JARID2: variants seen among roughly 807,000 people sequenced by gnomAD.
JARID2 encodes the protein protein Jumonji.
A neutral mutation model predicts 125.6 loss-of-function variants in JARID2; 21 were observed. That is an observed-to-expected ratio of 0.17 (90% CI 0.12 to 0.24). The LOEUF is 0.24. JARID2 is among the 10% of genes least tolerant of loss of function. JARID2 has a pLI of 1.00. For synonymous variants in JARID2, 736 were observed against 661.6 expected, an observed-to-expected ratio of 1.11 and a Z score of -1.73; for missense variants, 1,303 against 1,639.6, an observed-to-expected ratio of 0.79 and a Z score of 3.55.
chr6:15,309,124 A>G (rs1365199183), intron 1 of JARID2, among the ~76,000 whole-genome samples: 1 of 152,216 alleles, frequency 6.6e-6, no homozygotes, highest in African/African-American at 2.4e-5. Flanking sequence ...TTTAGCTGAC[A>G]GAGTACCTCT....
chr6:15,282,828 C>T (rs527336279), intron 1 of JARID2, among the ~76,000 whole-genome samples: 93 of 152,018 alleles, frequency 6.1e-4, no homozygotes, highest in East Asian at 3.3e-3. Context: ...TTTGAACTCC[C>T]GACCTCAAGT....
At chr6:15,296,889 G>T (rs1761435448) in intron 1 of JARID2, among the ~76,000 whole-genome samples, 1 of 152,148 alleles carries the variant, frequency 6.6e-6, no homozygotes, top group South Asian at 2.1e-4. Context: ...TTCCATTTTG[G>T]TTTCCACTGC....
intron 1 of JARID2, among the ~76,000 whole-genome samples, chr6:15,255,738 G>A (rs1015325054): frequency 3.3e-5 from 5 of 152,204 alleles, no homozygotes; most frequent in African/African-American, 1.2e-4. Context: ...GGCTGAGCAT[G>A]TGTTTCTTGC....
At chr6:15,484,909 A>G (rs1769793826) in intron 5 of JARID2, among the ~76,000 whole-genome samples, 1 of 152,204 alleles carries the variant, frequency 6.6e-6, no homozygotes, top group Admixed American at 6.5e-5. Flanking sequence ...ACTGCTTTAG[A>G]AAATTGGTGA....
At chr6:15,321,783 GTTTTTTTTTTTTTTTTTT>G (rs71687714) in intron 1 of JARID2, among the ~76,000 whole-genome samples, 1 of 68,474 alleles carries the variant, frequency 1.5e-5, no homozygotes, top group Non-Finnish European at 2.6e-5. Flanking sequence ...AAGAATTCTT[GTTTTTTTTTTTTTTTTTT>G]TTTTTTTTTG....
intron 6 of JARID2, among the ~76,000 whole-genome samples, chr6:15,489,260 C>G (rs1308248008): frequency 6.6e-6 from 1 of 152,100 alleles, no homozygotes; most frequent in Admixed American, 6.5e-5. Context: ...TGGTAAAATT[C>G]TCATGGGCCA....
At chr6:15,320,817 GC>G (rs1365792619) in intron 1 of JARID2, among the ~76,000 whole-genome samples, 1 of 150,764 alleles carries the variant, frequency 6.6e-6, no homozygotes, top group Non-Finnish European at 1.5e-5. Flanking sequence ...TTCAGCCATG[GC>G]CATGCAAGAA....
chr6:15,504,714 G>T, intron 9 of JARID2, 122 bp downstream of exon 9: 1 of 669,734 alleles, frequency 1.5e-6, no homozygotes, highest in Non-Finnish European at 2.7e-6. Context: ...AGATGGGGCT[G>T]AGTTCGTCCT....
intron 13 of JARID2, 89 bp from the exon 14 acceptor site, chr6:15,512,119 G>C: frequency 1.9e-6 from 2 of 1,053,742 alleles, no homozygotes; most frequent in Non-Finnish European, 2.8e-6. Context: ...CTTGAGAGCA[G>C]GCCTCTTAGG....
At chr6:15,440,012 A>T (rs188739716) in intron 3 of JARID2, among the ~76,000 whole-genome samples, 1 of 152,244 alleles carries the variant, frequency 6.6e-6, no homozygotes, top group Non-Finnish European at 1.5e-5. Context: ...TGAAACACAG[A>T]TAACATACTT....
chr6:15,368,856 A>G, intron 1 of JARID2: 1 of 379,130 alleles, frequency 2.6e-6, no homozygotes, highest in South Asian at 1.9e-5. Flanking sequence ...ATGGAGTCCT[A>G]TTTTGCAGAG....
intron 4 of JARID2, among the ~76,000 whole-genome samples, chr6:15,452,677 C>T (rs1192920332): frequency 6.6e-6 from 1 of 152,174 alleles, no homozygotes; most frequent in Non-Finnish European, 1.5e-5. Flanking sequence ...GTCTAATTGA[C>T]AGTGCAAATA....
chr6:15,388,567 CT>C (rs1379461089), intron 2 of JARID2, among the ~76,000 whole-genome samples: 1 of 140,306 alleles, frequency 7.1e-6, no homozygotes, highest in Non-Finnish European at 1.5e-5. Context: ...GAAACATGAG[CT>C]ATTTTATAAT....
chr6:15,340,064 A>G (rs1387834913), intron 1 of JARID2, among the ~76,000 whole-genome samples: 4 of 151,726 alleles, frequency 2.6e-5, no homozygotes, highest in Admixed American at 1.3e-4. Context: ...GGTTCATGCA[A>G]TTCTCCCACC....
intron 1 of JARID2, among the ~76,000 whole-genome samples, chr6:15,295,634 G>C (rs962899152): frequency 6.6e-6 from 1 of 152,160 alleles, no homozygotes; most frequent in East Asian, 1.9e-4. Flanking sequence ...TTTCAATACT[G>C]AATAGGCCCT....
At chr6:15,410,597 G>A (rs1765836908) in intron 3 of JARID2, among the ~76,000 whole-genome samples, 1 of 152,168 alleles carries the variant, frequency 6.6e-6, no homozygotes, top group South Asian at 2.1e-4. Flanking sequence ...TGTTCCTGCT[G>A]GAACAGTTAG....
chr6:15,410,311 C>G lies in JARID2; in HGVS notation c.269C>G (p.Ser90Cys), dbSNP rs1765823535. The G allele has an allele frequency of 3.7e-6, 6 of 1,614,056 alleles. No individual in the cohort carries two copies. Among genetic ancestry groups the G allele is most frequent in the Non-Finnish European group, 5.1e-6 (6 of 1,179,954 alleles). Residue 90 changes from serine to cysteine, a missense_variant, in exon 3 of 18, where the codon TCC (serine) becomes TGC (cysteine). Around this residue, in one of 11 missense-constraint regions of JARID2, gnomAD observed 93 missense variants for 120.4 expected, o/e 0.77. Transcript: ENST00000341776. ...AAGGACGATGCATCCCAAGTGTCCT[C>G]CACTAGCAACGATGTTAGTTCTTCA... ...NEKDDASQVS[S>C]TSNDVSSSDF...
intron 1 of JARID2, among the ~76,000 whole-genome samples, chr6:15,328,773 C>A (rs1258143110): frequency 6.6e-6 from 1 of 152,214 alleles, no homozygotes; most frequent in Non-Finnish European, 1.5e-5. Context: ...ACGATGACTT[C>A]ATTTACACCT....
intron 1 of JARID2, among the ~76,000 whole-genome samples, chr6:15,319,210 A>G (rs1762273573): frequency 6.6e-6 from 1 of 152,204 alleles, no homozygotes; most frequent in South Asian, 2.1e-4. Flanking sequence ...TTAGATGAGC[A>G]CAGATCTTTC....
Sources: gnomAD v4.1 joint callset for allele counts (sites outside exome capture counted in the v4.1 genomes callset) on GRCh38, gnomAD v4.1.1 for gene constraint, gnomAD v4.1.1 regional missense constraint, MANE v1.5 for transcripts, NCBI Gene and HGNC (gene_info 2026-07-23, HGNC 2026-07-21) for gene names.